The following CHD6 variants were observed in gnomAD, a reference collection of about 807,000 sequenced individuals.
CHD6 encodes the protein chromodomain helicase DNA binding protein 6.
A neutral mutation model predicts 276.9 loss-of-function variants in CHD6; 50 were observed. The observed-to-expected ratio is 0.18, with a 90% CI of 0.14 to 0.23. The LOEUF (loss-of-function observed/expected upper bound fraction) is 0.23. Among genes scored for constraint, CHD6 ranks in the 10% least tolerant of loss-of-function variants. The pLI is 1.00. For synonymous variants in CHD6, 1,173 were observed against 1,229.3 expected, an observed-to-expected ratio of 0.95 and a Z score of 0.96; for missense variants, 2,564 against 3,365.8, an observed-to-expected ratio of 0.76 and a Z score of 5.89.
rs146338572 is a variant in CHD6 at position 41,539,492 on chromosome 20, T to C, written c.34-5922A>G. On this transcript the variant is annotated intron_variant, in intron 2 of 36. Transcript: ENST00000373233. ...ACACCTGGTCACTGGTCACTTGCAT[T>C]AGGCTGCCCTTCAGGATAGAGAAGT... Among the ~76,000 whole-genome samples the C allele has an allele frequency of 7.6e-4, 116 of 152,282 alleles. 1 individual carries two copies. The highest frequency in any genetic ancestry group is 2.6e-3 in the African/African-American group (110 of 41,556).
In CHD6 at chr20:41,453,509, T is replaced by C. The variant is rs532315083; in HGVS notation, c.3121-567A>G. 9.2e-5 allele frequency among the ~76,000 whole-genome samples: 14 copies of C among 152,308 alleles called. 3 individuals carry two copies. The highest frequency in any genetic ancestry group is 3.4e-4 in the African/African-American group (14 of 41,570). ...ATGGTTCCCCTGGCTATGTGTCTTC[T>C]CTAGTCTCCATTGCTTCCTGCTCCT... On this transcript the variant is annotated intron_variant, in intron 20 of 36. Coordinates refer to ENST00000373233, the MANE Select transcript of CHD6 (RefSeq NM_032221.5).
At chr20:41,599,889 T>C (rs375186642) in intron 1 of CHD6, among the ~76,000 whole-genome samples, 1 of 152,148 alleles carries the variant, frequency 6.6e-6, no homozygotes, top group African/African-American at 2.4e-5. Flanking sequence ...CACTAGCCAA[T>C]TGGGTCAGCT....
chr20:41,572,887 T>C (rs1307822956), intron 1 of CHD6, among the ~76,000 whole-genome samples: 1 of 152,128 alleles, frequency 6.6e-6, no homozygotes, highest in Non-Finnish European at 1.5e-5. Context: ...GATCTGTACT[T>C]GGGACAGTAT....
At chr20:41,613,769 C>T (rs1449514687) in intron 1 of CHD6, among the ~76,000 whole-genome samples, 1 of 152,162 alleles carries the variant, frequency 6.6e-6, no homozygotes, top group Non-Finnish European at 1.5e-5. Context: ...ATGAGAGGCA[C>T]AGATCCGTTT....
At chr20:41,605,226 G>C (rs369501066) in intron 1 of CHD6, among the ~76,000 whole-genome samples, 20 of 152,106 alleles carry the variant, frequency 1.3e-4, no homozygotes, top group African/African-American at 4.8e-4. Flanking sequence ...AGGGGGGATG[G>C]GTGTTCATGG....
At chr20:41,577,966 G>A (rs1281017228) in intron 1 of CHD6, among the ~76,000 whole-genome samples, 1 of 152,166 alleles carries the variant, frequency 6.6e-6, no homozygotes, top group Non-Finnish European at 1.5e-5. Flanking sequence ...AAAGTACAGT[G>A]TCTGGCACAT....
At chr20:41,606,160 G>A (rs767377432) in intron 1 of CHD6, among the ~76,000 whole-genome samples, 4 of 151,864 alleles carry the variant, frequency 2.6e-5, no homozygotes, top group East Asian at 1.9e-4. Flanking sequence ...GGCGAATCAC[G>A]AGGTCAGGAG....
chr20:41,406,659 T>C (rs1009597509), intron 36 of CHD6, among the ~76,000 whole-genome samples: 10 of 152,198 alleles, frequency 6.6e-5, no homozygotes, highest in Non-Finnish European at 1.3e-4. Context: ...TCCCTAGAGA[T>C]TGAGAGAATT....
At chr20:41,477,236 G>A (rs887030448) in intron 16 of CHD6, among the ~76,000 whole-genome samples, 10 of 151,840 alleles carry the variant, frequency 6.6e-5, no homozygotes, top group Admixed American at 4.6e-4. Flanking sequence ...GCAATACCCT[G>A]TCTCTAAATA....
Position 41,453,229 on chromosome 20 carries a change from C to A in CHD6, c.3121-287G>T, listed in dbSNP as rs142754398. On this transcript the variant is annotated intron_variant, in intron 20 of 36. Coordinates refer to ENST00000373233, the MANE Select transcript of CHD6 (RefSeq NM_032221.5). ...CGGGGTGTGGGCAGGCAAGGCCCCC[C>A]CCCAGTGACCAAAGTGGTGTCGGCT... 6.1e-4 allele frequency among the ~76,000 whole-genome samples: 93 copies of A among 152,158 alleles called. 1 individual carries two copies. Among genetic ancestry groups the A allele is most frequent in the African/African-American group, 1.9e-3 (79 of 41,424 alleles).
chr20:41,615,141 C>G (rs1331379938), intron 1 of CHD6, among the ~76,000 whole-genome samples: 1 of 152,186 alleles, frequency 6.6e-6, no homozygotes, highest in Non-Finnish European at 1.5e-5. Flanking sequence ...GGGTCAAATT[C>G]TGGCTCTATC....
chr20:41,581,604 AG>A (rs1374363538), intron 1 of CHD6, among the ~76,000 whole-genome samples: 3 of 151,334 alleles, frequency 2.0e-5, no homozygotes, highest in African/African-American at 7.3e-5. Context: ...GAACTCAGGG[AG>A]GCGGAGGCTG....
chr20:41,510,869 T>A (rs1190277374), intron 5 of CHD6, among the ~76,000 whole-genome samples: 1 of 152,234 alleles, frequency 6.6e-6, no homozygotes, highest in Non-Finnish European at 1.5e-5. Context: ...GTCTTGCAAG[T>A]GCTATTTTTA....
intron 1 of CHD6, among the ~76,000 whole-genome samples, chr20:41,575,350 C>T (rs1390141289): frequency 1.3e-5 from 2 of 152,172 alleles, no homozygotes; most frequent in African/African-American, 4.8e-5. Context: ...CACCAAGAAC[C>T]TGGACACCCT....
intron 1 of CHD6, among the ~76,000 whole-genome samples, chr20:41,586,859 G>A (rs2045600935): frequency 2.0e-5 from 3 of 152,188 alleles, no homozygotes; most frequent in South Asian, 2.1e-4. Flanking sequence ...GACAAAAAAC[G>A]TATAGTTAAT....
chr20:41,581,776 T>C (rs2146235928), intron 1 of CHD6, among the ~76,000 whole-genome samples: 2 of 152,296 alleles, frequency 1.3e-5, no homozygotes, highest in Middle Eastern at 3.4e-3. Flanking sequence ...ATTAGTCACA[T>C]TAAATCCTGT....
intron 1 of CHD6, among the ~76,000 whole-genome samples, chr20:41,605,715 A>C (rs1002517701): frequency 2.0e-5 from 3 of 152,258 alleles, no homozygotes; most frequent in African/African-American, 7.2e-5. Flanking sequence ...TGTAAGACTT[A>C]TTGTTTTAAC....
rs952565761 is a variant in CHD6, at chr20:41,458,502, C to T, written c.2665-1074G>A. Among the ~76,000 whole-genome samples the T allele has an allele frequency of 5.3e-5, 8 of 151,958 alleles. No homozygotes were observed. In the East Asian group the frequency reaches 9.6e-4, roughly 18 times the overall value. On this transcript the variant is annotated intron_variant, in intron 17 of 36. Coordinates refer to ENST00000373233, the MANE Select transcript of CHD6 (RefSeq NM_032221.5). The stretch of plus-strand genomic sequence containing the variant: ...TAGTCAAATGTGGAAAAAAGGAAGA[C>T]GAGAATCAACTCTGCAGTATTTGAA...
chr20:41,613,805 T>C (rs999136819), intron 1 of CHD6, among the ~76,000 whole-genome samples: 2 of 152,166 alleles, frequency 1.3e-5, no homozygotes, highest in Non-Finnish European at 2.9e-5. Flanking sequence ...CAATGGATTG[T>C]CCGCCTATAA....
Sources: gnomAD v4.1 joint callset for allele counts (sites outside exome capture counted in the v4.1 genomes callset) on GRCh38, gnomAD v4.1.1 for gene constraint, MANE v1.5 for transcripts, NCBI Gene and HGNC (gene_info 2026-07-23, HGNC 2026-07-21) for gene names.